PIK3CB: variants seen among roughly 807,000 people sequenced by gnomAD.
PIK3CB encodes phosphatidylinositol-4,5-bisphosphate 3-kinase catalytic subunit beta, also known as phosphatidylinositol 4,5-bisphosphate 3-kinase catalytic subunit beta isoform.
In PIK3CB, 39 loss-of-function variants were observed where a neutral mutation model predicts 136.8. The observed-to-expected ratio is 0.29, with a 90% CI of 0.22 to 0.37. The LOEUF (loss-of-function observed/expected upper bound fraction) is 0.37. PIK3CB is among the 10% of genes least tolerant of loss of function. The pLI is 1.00. For missense variants in PIK3CB, 868 were observed against 1,275.4 expected, an observed-to-expected ratio of 0.68 and a Z score of 4.87; for synonymous variants, 428 against 436.6, an observed-to-expected ratio of 0.98 and a Z score of 0.25.
At chr3:138,711,369 C>A (rs1352570773) in intron 10 of PIK3CB, among the ~76,000 whole-genome samples, 1 of 151,888 alleles carries the variant, frequency 6.6e-6, no homozygotes, top group Admixed American at 6.6e-5. Context: ...CACCTGAGGT[C>A]GGGAGTTCCA....
chr3:138,824,331 G>T (rs1211000709), intron 1 of PIK3CB, among the ~76,000 whole-genome samples: 1 of 152,042 alleles, frequency 6.6e-6, no homozygotes, highest in Non-Finnish European at 1.5e-5. Flanking sequence ...GCTGTCCTTG[G>T]GTTTACACTG....
chr3:138,733,144 G>C (rs1246530960), intron 8 of PIK3CB, among the ~76,000 whole-genome samples: 4 of 151,184 alleles, frequency 2.6e-5, no homozygotes, highest in Admixed American at 2.6e-4. Context: ...CTTTCCAGTA[G>C]ATCTCTAATG....
intron 12 of PIK3CB, among the ~76,000 whole-genome samples, chr3:138,700,920 T>TA (rs971699102): frequency 6.6e-6 from 1 of 152,156 alleles, no homozygotes; most frequent in African/African-American, 2.4e-5. Flanking sequence ...AATGTTTACT[T>TA]AGTGTCAAAA....
intron 2 of PIK3CB, chr3:138,778,031 A>G (rs1402433870): frequency 1.3e-5 from 5 of 381,586 alleles, no homozygotes; most frequent in East Asian, 6.7e-5. Flanking sequence ...GCTTGTCATC[A>G]ATGAAAATAC....
At chr3:138,685,750 C>A (rs946592048) in intron 16 of PIK3CB, among the ~76,000 whole-genome samples, 4 of 151,826 alleles carry the variant, frequency 2.6e-5, no homozygotes, top group Non-Finnish European at 4.4e-5. Flanking sequence ...ATAACTATGG[C>A]TATCAAAACT....
chr3:138,676,370 GAATGTAA>G (rs1176748054), intron 19 of PIK3CB, among the ~76,000 whole-genome samples: 1 of 152,192 alleles, frequency 6.6e-6, no homozygotes, highest in Non-Finnish European at 1.5e-5. Flanking sequence ...TTGCTGGTTG[GAATGTAA>G]AATGATGCAG....
At chr3:138,828,557 A>C (rs1175122359) in intron 1 of PIK3CB, among the ~76,000 whole-genome samples, 1 of 152,090 alleles carries the variant, frequency 6.6e-6, no homozygotes, top group Admixed American at 6.6e-5. Context: ...CCCTGCCATC[A>C]TGAAGCTTAT....
intron 1 of PIK3CB, among the ~76,000 whole-genome samples, chr3:138,820,963 G>T (rs1933533491): frequency 6.6e-6 from 1 of 152,104 alleles, no homozygotes; most frequent in African/African-American, 2.4e-5. Flanking sequence ...CCACACATGT[G>T]AGTATACCAA....
intron 1 of PIK3CB, among the ~76,000 whole-genome samples, chr3:138,815,929 C>T (rs1933307116): frequency 6.6e-6 from 1 of 152,208 alleles, no homozygotes; most frequent in Admixed American, 6.5e-5. Flanking sequence ...GCAGCAACTG[C>T]TCCTCTTTTT....
At chr3:138,784,497 CT>C (rs2045953495) in intron 2 of PIK3CB, among the ~76,000 whole-genome samples, 1 of 152,128 alleles carries the variant, frequency 6.6e-6, no homozygotes, top group African/African-American at 2.4e-5. Flanking sequence ...CTGGACTGTA[CT>C]ACCACCATCT....
At chr3:138,674,321 C>G (rs967250976) in intron 19 of PIK3CB, among the ~76,000 whole-genome samples, 10 of 152,024 alleles carry the variant, frequency 6.6e-5, no homozygotes, top group African/African-American at 2.2e-4. Context: ...AACCACCAGG[C>G]TGACTGTTGA....
chr3:138,772,027 T>A (rs922084658), intron 2 of PIK3CB, among the ~76,000 whole-genome samples: 2 of 151,948 alleles, frequency 1.3e-5, no homozygotes, highest in African/African-American at 4.8e-5. Flanking sequence ...AGAAAAAGTT[T>A]CATGTATAAA....
chr3:138,708,075 G>A (rs1313117544), intron 10 of PIK3CB, among the ~76,000 whole-genome samples: 1 of 151,938 alleles, frequency 6.6e-6, no homozygotes, highest in Non-Finnish European at 1.5e-5. Flanking sequence ...CTGTAGTACA[G>A]TTGTTCTTTC....
At chr3:138,809,606 C>CAAAAAA (rs57717750) in intron 1 of PIK3CB, among the ~76,000 whole-genome samples, 3 of 113,640 alleles carry the variant, frequency 2.6e-5, no homozygotes, top group Non-Finnish European at 3.3e-5. Context: ...GACTTTGCCT[C>CAAAAAA]AAAAAAAAAA....
intron 2 of PIK3CB, among the ~76,000 whole-genome samples, chr3:138,792,128 G>A (rs1209293446): frequency 6.6e-6 from 1 of 152,066 alleles, no homozygotes; most frequent in Non-Finnish European, 1.5e-5. Context: ...CAGGGAAGTG[G>A]AAGTTGCAGT....
chr3:138,737,394 CAAAAAAAAAA>C (rs11344311), intron 6 of PIK3CB, among the ~76,000 whole-genome samples: 1 of 39,074 alleles, frequency 2.6e-5, no homozygotes, highest in Admixed American at 2.9e-4. Context: ...CACTCTGTCT[CAAAAAAAAAA>C]AAAAAAAAAA....
chr3:138,804,979 C>G (rs1457101111), intron 1 of PIK3CB, among the ~76,000 whole-genome samples: 4 of 151,240 alleles, frequency 2.6e-5, no homozygotes, highest in Non-Finnish European at 5.9e-5. Context: ...GAGCTGAGAT[C>G]GTGCCACTGC....
rs2044350451 is a variant in PIK3CB at position 138,705,191 on chromosome 3, A to AAAAAAAAAAAAAAAAAAAAAAAAAT, written c.1531-699_1531-698insATTTTTTTTTTTTTTTTTTTTTTTT. Among the ~76,000 whole-genome samples, 2 of 93,502 alleles carry AAAAAAAAAAAAAAAAAAAAAAAAAT rather than the reference A, an allele frequency of 2.1e-5. 1 individual carries two copies. The highest frequency in any genetic ancestry group is 4.1e-5 in the Non-Finnish European group (2 of 49,050). 61.3% of individuals were successfully genotyped at this position (93,502 alleles called of 152,430 possible). On this transcript the variant is annotated intron_variant, in intron 11 of 23. Transcript: ENST00000674063. ...AAAAAAAACAAAAAACAAAACAAAC[A>AAAAAAAAAAAAAAAAAAAAAAAAAT]AAAAAAAAAACTTATATTTGCAAAT... is the stretch of plus-strand genomic sequence containing the variant.
In PIK3CB at chr3:138,657,610, T is replaced by A. The variant is rs932545710; in HGVS notation, c.2942+80A>T. 4.9e-6 allele frequency: 6 copies of A among 1,234,184 alleles called. No individual in the cohort carries two copies. In the Admixed American group the frequency reaches 1.0e-4, roughly 21 times the overall value. 76.5% of individuals were successfully genotyped at this position (1,234,184 alleles called of 1,614,324 possible). On this transcript the variant is annotated intron_variant, in intron 22 of 23. Transcript: ENST00000674063. ...AATATCTCCCAGATCCAAATATATC[T>A]CAGCTAAGAAATGCTGGTCCACCTG...
Sources: allele counts gnomAD v4.1 joint callset (sites outside exome capture counted in the v4.1 genomes callset), GRCh38; gene constraint gnomAD v4.1.1; transcripts MANE v1.5; gene names NCBI Gene and HGNC (gene_info 2026-07-23, HGNC 2026-07-21).